NYAP2: variants seen among roughly 807,000 people sequenced by gnomAD.
The protein encoded by NYAP2 is neuronal tyrosine-phosphorylated phosphoinositide-3-kinase adaptor 2.
NYAP2 carries 23 observed loss-of-function variants against 50.4 expected under a neutral mutation model. The observed-to-expected ratio is 0.46, with a 90% CI of 0.33 to 0.65. The LOEUF (loss-of-function observed/expected upper bound fraction) is 0.65. Ranked by LOEUF, NYAP2 falls within the 30% of genes least tolerant of loss-of-function variation. NYAP2 has a pLI of 0.02. For synonymous variants in NYAP2, 394 were observed against 365.2 expected (o/e 1.08, Z -0.90); for missense variants, 885 against 861.0 (o/e 1.03, Z -0.35).
intron 4 of NYAP2, among the ~76,000 whole-genome samples, chr2:225,536,274 G>A (rs1307514240): frequency 2.0e-5 from 3 of 152,076 alleles, no homozygotes; most frequent in Non-Finnish European, 4.4e-5. Context: ...CACATGGTAG[G>A]CAGCACAGTG....
At chr2:225,677,031 C>T in the NYAP2 span, among the ~76,000 whole-genome samples, 5 of 152,140 alleles carry the variant, frequency 3.3e-5, no homozygotes, top group African/African-American at 1.2e-4. Flanking sequence ...ATTCTTCCAA[C>T]CCATGAGCAT....
intron 3 of NYAP2, among the ~76,000 whole-genome samples, chr2:225,414,081 T>A (rs1695087605): frequency 6.6e-6 from 1 of 152,180 alleles, no homozygotes; most frequent in Non-Finnish European, 1.5e-5. Context: ...AATATCCTCA[T>A]CACTTTCTCA....
chr2:225,562,977 C>T (rs1380599220), intron 4 of NYAP2, among the ~76,000 whole-genome samples: 5 of 152,088 alleles, frequency 3.3e-5, no homozygotes, highest in Non-Finnish European at 5.9e-5. Context: ...TCCCCACTTA[C>T]CCACTTCATG....
chr2:225,443,035 A>G (rs1412254721), intron 3 of NYAP2, among the ~76,000 whole-genome samples: 1 of 152,066 alleles, frequency 6.6e-6, no homozygotes, highest in African/African-American at 2.4e-5. Context: ...GTCTCATGAG[A>G]CTTATTCACT....
chr2:225,512,248 C>G (rs34041494), intron 3 of NYAP2, among the ~76,000 whole-genome samples: 2 of 152,034 alleles, frequency 1.3e-5, no homozygotes, highest in South Asian at 4.1e-4. Context: ...AACTTAAGAA[C>G]CTTAAATTTG....
the NYAP2 span, among the ~76,000 whole-genome samples, chr2:225,689,302 C>T: frequency 0.41 from 61,707 of 151,976 alleles, 14,561 homozygotes; most frequent in African/African-American, 0.67. Flanking sequence ...AATCACGTAA[C>T]TGTCTTATTC....
intron 4 of NYAP2, among the ~76,000 whole-genome samples, chr2:225,518,555 T>TC (rs1690980728): frequency 1.6e-5 from 1 of 63,462 alleles, no homozygotes; most frequent in Non-Finnish European, 2.9e-5. Flanking sequence ...TATATATATA[T>TC]ATATATATAT....
At chr2:225,594,528 A>T (rs1041484999) in intron 5 of NYAP2, among the ~76,000 whole-genome samples, 2 of 152,158 alleles carry the variant, frequency 1.3e-5, no homozygotes, top group African/African-American at 2.4e-5. Context: ...GTCTAAAAAA[A>T]AATAATAAAA....
intron 3 of NYAP2, among the ~76,000 whole-genome samples, chr2:225,501,246 A>G (rs1690601242): frequency 1.3e-5 from 2 of 152,204 alleles, no homozygotes; most frequent in Non-Finnish European, 2.9e-5. Flanking sequence ...TGATCTCATA[A>G]GCATACAATC....
intron 3 of NYAP2, among the ~76,000 whole-genome samples, chr2:225,497,674 T>C (rs1690532182): frequency 6.6e-6 from 1 of 152,228 alleles, no homozygotes; most frequent in African/African-American, 2.4e-5. Context: ...ACTGGATAAA[T>C]GAATGAATCT....
intron 5 of NYAP2, among the ~76,000 whole-genome samples, chr2:225,584,210 A>G (rs1000611365): frequency 6.6e-6 from 1 of 152,228 alleles, no homozygotes; most frequent in Non-Finnish European, 1.5e-5. Flanking sequence ...ATAAATGAAC[A>G]TAGACCCATT....
chr2:225,436,936 G>A (rs1048119896), intron 3 of NYAP2, among the ~76,000 whole-genome samples: 1 of 152,000 alleles, frequency 6.6e-6, no homozygotes, highest in African/African-American at 2.4e-5. Context: ...TGGTGGTGGG[G>A]CTGAGGGACT....
chr2:225,654,945 ATGT>A (rs547930676), downstream of NYAP2, among the ~76,000 whole-genome samples: 13 of 152,262 alleles, frequency 8.5e-5, no homozygotes, highest in East Asian at 2.5e-3. Flanking sequence ...TGTCTAAGAA[ATGT>A]TGTAGGTGGA....
At chr2:225,530,792 A>T (rs545776472) in intron 4 of NYAP2, among the ~76,000 whole-genome samples, 1 of 152,080 alleles carries the variant, frequency 6.6e-6, no homozygotes, top group Non-Finnish European at 1.5e-5. Context: ...ATGGTTTTTT[A>T]TCTTGACACC....
chr2:225,654,719 A>G (rs1292592589), downstream of NYAP2, among the ~76,000 whole-genome samples: 1 of 152,014 alleles, frequency 6.6e-6, no homozygotes, highest in Non-Finnish European at 1.5e-5. Flanking sequence ...AAATAAAACA[A>G]ACAAAATCAG....
chr2:225,524,650 G>T (rs1368837543), intron 4 of NYAP2, among the ~76,000 whole-genome samples: 1 of 152,128 alleles, frequency 6.6e-6, no homozygotes, highest in Non-Finnish European at 1.5e-5. Context: ...CAAGTCCTAG[G>T]AGAAAATTTA....
At chr2:225,515,079 C>T (rs1449756324) in intron 4 of NYAP2, among the ~76,000 whole-genome samples, 1 of 152,110 alleles carries the variant, frequency 6.6e-6, no homozygotes, top group Non-Finnish European at 1.5e-5. Flanking sequence ...TGTTCAGGTG[C>T]CTTTAGCCAA....
intron 5 of NYAP2, among the ~76,000 whole-genome samples, chr2:225,623,269 A>C (rs1693155303): frequency 1.3e-5 from 2 of 152,220 alleles, no homozygotes; most frequent in Admixed American, 6.5e-5. Flanking sequence ...TGGGGGAAAA[A>C]ATGTTCAATT....
chr2:225,409,841 GAC>G (rs1407957903), intron 3 of NYAP2, among the ~76,000 whole-genome samples: 4 of 152,082 alleles, frequency 2.6e-5, no homozygotes, highest in South Asian at 2.1e-4. Context: ...TACAGAGAGA[GAC>G]ACCTGTGTCA....
Sources: gnomAD v4.1 joint callset for allele counts (sites outside exome capture counted in the v4.1 genomes callset) on GRCh38, gnomAD v4.1.1 for gene constraint, MANE v1.5 for transcripts, NCBI Gene and HGNC (gene_info 2026-07-23, HGNC 2026-07-21) for gene names.